SGCZ: variants seen among roughly 807,000 people sequenced by gnomAD.
SGCZ encodes sarcoglycan zeta, also known as zeta-sarcoglycan.
In SGCZ, 40 loss-of-function variants were observed where a neutral mutation model predicts 41.3. That is an observed-to-expected ratio of 0.97 (90% CI 0.75 to 1.26). The LOEUF (loss-of-function observed/expected upper bound fraction) is 1.26, where lower values mean the gene tolerates loss of function less well. Ranked by LOEUF, SGCZ falls within the 50% of genes most tolerant of loss-of-function variation. The pLI is 0.00. For missense variants in SGCZ, 552 were observed against 369.8 expected (o/e 1.49, Z -4.04); for synonymous variants, 206 against 137.5 (o/e 1.50, Z -3.49).
At chr8:14,811,768 G>C (rs190576495) in intron 1 of SGCZ, among the ~76,000 whole-genome samples, 1 of 151,872 alleles carries the variant, frequency 6.6e-6, no homozygotes, top group Admixed American at 6.6e-5. Context: ...GACACATGAA[G>C]ATATTCACTC....
chr8:14,241,206 C>T (rs1302927716), intron 3 of SGCZ, among the ~76,000 whole-genome samples: 2 of 151,550 alleles, frequency 1.3e-5, no homozygotes, highest in African/African-American at 2.4e-5. Flanking sequence ...CTTGTGTGTT[C>T]CAAAATTTTG....
intron 1 of SGCZ, among the ~76,000 whole-genome samples, chr8:14,906,736 G>A (rs1414073087): frequency 1.3e-5 from 2 of 152,156 alleles, no homozygotes; most frequent in Admixed American, 1.3e-4. Context: ...ACACAGTTCT[G>A]AGAAATCAAC....
At chr8:14,515,404 T>C (rs959341210) in intron 2 of SGCZ, among the ~76,000 whole-genome samples, 4 of 152,124 alleles carry the variant, frequency 2.6e-5, no homozygotes, top group African/African-American at 7.2e-5. Flanking sequence ...TATCAAGTGC[T>C]TCATATATCC....
intron 2 of SGCZ, among the ~76,000 whole-genome samples, chr8:14,352,769 C>G (rs1034502580): frequency 6.6e-6 from 1 of 152,066 alleles, no homozygotes; most frequent in Non-Finnish European, 1.5e-5. Flanking sequence ...TTGCTGATAT[C>G]TGTCCATTCA....
intron 4 of SGCZ, among the ~76,000 whole-genome samples, chr8:14,220,718 C>G (rs1213902270): frequency 6.6e-6 from 1 of 151,870 alleles, no homozygotes; most frequent in African/African-American, 2.4e-5. Flanking sequence ...ACCCGGGAGG[C>G]GGAGCTTGCA....
chr8:15,043,192 G>C (rs897892342), intron 1 of SGCZ, among the ~76,000 whole-genome samples: 2 of 152,150 alleles, frequency 1.3e-5, no homozygotes, highest in African/African-American at 4.8e-5. Context: ...TCTTTAATCA[G>C]CTAGTAAAAT....
chr8:14,507,224 G>A (rs1307316138), intron 2 of SGCZ, among the ~76,000 whole-genome samples: 1 of 150,904 alleles, frequency 6.6e-6, no homozygotes, highest in Non-Finnish European at 1.5e-5. Flanking sequence ...TAAGTATGTA[G>A]CCATTCGCAC....
intron 1 of SGCZ, among the ~76,000 whole-genome samples, chr8:14,602,234 T>G (rs911562083): frequency 6.6e-6 from 1 of 151,986 alleles, no homozygotes; most frequent in Non-Finnish European, 1.5e-5. Context: ...ACAGCTGGGG[T>G]TTTAAAAAAA....
intron 1 of SGCZ, among the ~76,000 whole-genome samples, chr8:14,770,584 G>A (rs774873169): frequency 5.9e-5 from 9 of 152,024 alleles, no homozygotes; most frequent in South Asian, 2.1e-4. Flanking sequence ...CATATATGGT[G>A]TTTTTATGTT....
At chr8:14,277,193 T>A (rs1392534568) in intron 3 of SGCZ, among the ~76,000 whole-genome samples, 1 of 152,212 alleles carries the variant, frequency 6.6e-6, no homozygotes, top group Non-Finnish European at 1.5e-5. Context: ...ACTTTTTCAA[T>A]ATGACATGTG....
At chr8:14,393,087 T>C (rs1804835164) in intron 2 of SGCZ, among the ~76,000 whole-genome samples, 1 of 152,214 alleles carries the variant, frequency 6.6e-6, no homozygotes, top group South Asian at 2.1e-4. Context: ...GAAGTGCCTA[T>C]GAATTATCCT....
intron 1 of SGCZ, among the ~76,000 whole-genome samples, chr8:14,840,400 G>A (rs1380976192): frequency 6.6e-6 from 1 of 152,070 alleles, no homozygotes; most frequent in East Asian, 1.9e-4. Flanking sequence ...ATTTGAATAT[G>A]AATTAATCAC....
chr8:14,419,537 C>T (rs1799584214), intron 2 of SGCZ, among the ~76,000 whole-genome samples: 1 of 151,858 alleles, frequency 6.6e-6, no homozygotes, highest in Non-Finnish European at 1.5e-5. Context: ...CTTTCTATAA[C>T]TAGTCAGCAG....
In SGCZ at chr8:14,085,440, C is replaced by T. The variant is rs1251176555; in HGVS notation, c.*5003G>A. The stretch of plus-strand genomic sequence containing the variant: ...CCTGTTTGGTTTTTATTTATAAATA[C>T]GCAAACAAATGAGATACTAAGACTG... On this transcript the variant is annotated 3_prime_UTR_variant, in exon 8 of 8. Coordinates refer to ENST00000382080, the MANE Select transcript of SGCZ (RefSeq NM_139167.4). 6.6e-5 allele frequency among the ~76,000 whole-genome samples: 10 copies of T among 151,540 alleles called. No individual in the cohort carries two copies. The highest frequency in any genetic ancestry group is 1.0e-4 in the Non-Finnish European group (7 of 67,750).
At chr8:14,842,845 G>A (rs565792285) in intron 1 of SGCZ, among the ~76,000 whole-genome samples, 1 of 152,246 alleles carries the variant, frequency 6.6e-6, no homozygotes, top group East Asian at 1.9e-4. Context: ...ATTGAAAACG[G>A]GATGCTCCAG....
At chr8:14,972,913 T>C (rs1801349338) in intron 1 of SGCZ, among the ~76,000 whole-genome samples, 1 of 152,232 alleles carries the variant, frequency 6.6e-6, no homozygotes, top group Non-Finnish European at 1.5e-5. Context: ...TGTATTTATT[T>C]ACACTTATCA....
At chr8:14,661,024 T>C (rs1268703419) in intron 1 of SGCZ, among the ~76,000 whole-genome samples, 1 of 152,192 alleles carries the variant, frequency 6.6e-6, no homozygotes. Flanking sequence ...CAGCTATATT[T>C]AGAGGGTTCT....
chr8:14,447,021 G>T (rs1285391547), intron 2 of SGCZ, among the ~76,000 whole-genome samples: 1 of 152,066 alleles, frequency 6.6e-6, no homozygotes. Flanking sequence ...TAGCAAAGAT[G>T]CATAATTCAT....
intron 1 of SGCZ, among the ~76,000 whole-genome samples, chr8:15,187,337 T>A (rs915393103): frequency 1.3e-5 from 2 of 152,228 alleles, no homozygotes; most frequent in Non-Finnish European, 2.9e-5. Flanking sequence ...AATTGGTGCT[T>A]TTCCATCTTA....
Sources: allele counts gnomAD v4.1 joint callset (sites outside exome capture counted in the v4.1 genomes callset), GRCh38; gene constraint gnomAD v4.1.1; transcripts MANE v1.5; gene names NCBI Gene and HGNC (gene_info 2026-07-23, HGNC 2026-07-21).